Variants in CAMKMT observed in about 807,000 individuals in gnomAD.
CAMKMT encodes the protein CaM KMT.
A neutral mutation model predicts 48.0 loss-of-function variants in CAMKMT; 53 were observed. The observed-to-expected ratio is 1.10, with a 90% CI of 0.89 to 1.39. The LOEUF is 1.39. CAMKMT is among the 40% of genes most tolerant of loss of function. CAMKMT has a pLI of 0.00. For missense variants in CAMKMT, 428 were observed against 402.7 expected, an observed-to-expected ratio of 1.06 and a Z score of -0.54; for synonymous variants, 165 against 152.3, an observed-to-expected ratio of 1.08 and a Z score of -0.61.
intron 2 of CAMKMT, among the ~76,000 whole-genome samples, chr2:44,383,384 C>G (rs143964496): frequency 6.6e-6 from 1 of 152,216 alleles, no homozygotes; most frequent in Admixed American, 6.5e-5. Context: ...AAGCTGGTCT[C>G]AAACTCCTGA....
At chr2:44,367,471 A>G (rs1678722617) in intron 1 of CAMKMT, among the ~76,000 whole-genome samples, 1 of 152,234 alleles carries the variant, frequency 6.6e-6, no homozygotes. Context: ...TATAAGGTAT[A>G]TATGAAAAAC....
chr2:44,544,720 T>A (rs1376689349), intron 3 of CAMKMT, among the ~76,000 whole-genome samples: 1 of 152,210 alleles, frequency 6.6e-6, no homozygotes, highest in Non-Finnish European at 1.5e-5. Flanking sequence ...CTGTTCATTT[T>A]CTCTCATCAA....
At chr2:44,708,673 A>T (rs1457242400) in intron 6 of CAMKMT, among the ~76,000 whole-genome samples, 3 of 152,054 alleles carry the variant, frequency 2.0e-5, no homozygotes, top group Non-Finnish European at 2.9e-5. Context: ...AGATGAGCAG[A>T]TGTTTTTTCA....
intron 3 of CAMKMT, among the ~76,000 whole-genome samples, chr2:44,488,418 C>T (rs758963526): frequency 2.6e-5 from 4 of 152,142 alleles, no homozygotes; most frequent in Admixed American, 2.0e-4. Context: ...GCAGGAGAAT[C>T]GCTTGAACCC....
Position 44,657,779 on chromosome 2 carries a change from G to A in CAMKMT, c.377-46504G>A, listed in dbSNP as rs926002250. On this transcript the variant is annotated intron_variant, in intron 3 of 10. Transcript: ENST00000378494. This position sits in a 1 kb window ranked among gnomAD's most constrained non-coding sequence, Gnocchi z 4.3. ...GGTAACCGAATAACTGACAATGATGGATTCTCAAACATTTCTGCTAACCAA... is the reference window on the plus strand; with the variant it reads ...GGTAACCGAATAACTGACAATGATGAATTCTCAAACATTTCTGCTAACCAA... 6.6e-6 allele frequency among the ~76,000 whole-genome samples: 1 copy of A among 152,092 alleles called. No homozygotes were observed. The highest frequency in any genetic ancestry group is 1.5e-5 in the Non-Finnish European group (1 of 68,010).
At chr2:44,554,192 G>A (rs1667884332) in intron 3 of CAMKMT, among the ~76,000 whole-genome samples, 1 of 152,188 alleles carries the variant, frequency 6.6e-6, no homozygotes, top group African/African-American at 2.4e-5. Context: ...CTAAGATAGA[G>A]TTTATACCTT....
chr2:44,558,832 A>C (rs891042900), intron 3 of CAMKMT, among the ~76,000 whole-genome samples: 1 of 152,190 alleles, frequency 6.6e-6, no homozygotes, highest in Non-Finnish European at 1.5e-5. Flanking sequence ...ATTGGGTATT[A>C]TGTTCACTAC....
At chr2:44,534,347 C>T (rs191507273) in intron 3 of CAMKMT, among the ~76,000 whole-genome samples, 8 of 152,200 alleles carry the variant, frequency 5.3e-5, no homozygotes, top group African/African-American at 1.2e-4. Flanking sequence ...AAATCAACAA[C>T]GAGACATTGG....
chr2:44,564,331 T>G (rs1473034942), intron 3 of CAMKMT, among the ~76,000 whole-genome samples: 3 of 151,370 alleles, frequency 2.0e-5, no homozygotes, highest in Non-Finnish European at 2.9e-5. Context: ...CGCGCCACTA[T>G]GCCCGGCTAA....
intron 3 of CAMKMT, among the ~76,000 whole-genome samples, chr2:44,562,925 C>T (rs1247160580): frequency 6.6e-6 from 1 of 152,146 alleles, no homozygotes; most frequent in Admixed American, 6.5e-5. Context: ...CTTACTCTCT[C>T]AGTACTGGTG....
At chr2:44,673,441 A>AAAG (rs1553435736) in intron 3 of CAMKMT, among the ~76,000 whole-genome samples, 10 of 147,176 alleles carry the variant, frequency 6.8e-5, no homozygotes, top group African/African-American at 2.6e-4. Flanking sequence ...AAAAAAAAAA[A>AAAG]AGAGAGAGAG....
At chr2:44,523,822 G>A (rs945872676) in intron 3 of CAMKMT, among the ~76,000 whole-genome samples, 1 of 142,076 alleles carries the variant, frequency 7.0e-6, no homozygotes, top group African/African-American at 2.7e-5. Flanking sequence ...CTGTCACCCA[G>A]GCTGGAGTGC....
intron 3 of CAMKMT, among the ~76,000 whole-genome samples, chr2:44,427,845 C>G (rs1399998223): frequency 6.6e-6 from 1 of 152,060 alleles, no homozygotes; most frequent in African/African-American, 2.4e-5. Flanking sequence ...TTCCTTTGAC[C>G]CCCTCATGGG....
intron 3 of CAMKMT, among the ~76,000 whole-genome samples, chr2:44,617,743 C>T (rs891903415): frequency 6.6e-6 from 1 of 152,152 alleles, no homozygotes; most frequent in Non-Finnish European, 1.5e-5. Flanking sequence ...AAGAGTGTGG[C>T]TTTAAAGAAT....
chr2:44,500,838 C>T (rs1186322018), intron 3 of CAMKMT, among the ~76,000 whole-genome samples: 2 of 151,850 alleles, frequency 1.3e-5, no homozygotes, highest in East Asian at 3.9e-4. Context: ...CGCACCATCA[C>T]ACCCAGCTAA....
intron 3 of CAMKMT, among the ~76,000 whole-genome samples, chr2:44,523,821 A>G (rs1199502578): frequency 8.3e-6 from 1 of 121,008 alleles, no homozygotes; most frequent in East Asian, 2.5e-4. Flanking sequence ...CCTGTCACCC[A>G]GGCTGGAGTG....
chr2:44,596,495 C>G (rs940927228), intron 3 of CAMKMT, among the ~76,000 whole-genome samples: 1 of 151,896 alleles, frequency 6.6e-6, no homozygotes, highest in Non-Finnish European at 1.5e-5. Flanking sequence ...AAGACAAATT[C>G]TTACATCCAT....
At chr2:44,546,464 A>G (rs1667416565) in intron 3 of CAMKMT, among the ~76,000 whole-genome samples, 1 of 152,210 alleles carries the variant, frequency 6.6e-6, no homozygotes, top group African/African-American at 2.4e-5. Context: ...GATAAATCTC[A>G]TCCCTAAAGA....
intron 7 of CAMKMT, among the ~76,000 whole-genome samples, chr2:44,717,396 C>A (rs6730944): frequency 3.3e-5 from 5 of 151,928 alleles, no homozygotes; most frequent in Non-Finnish European, 5.9e-5. Flanking sequence ...AAGGAGTGAC[C>A]TGATCACTTA....
Sources: allele counts gnomAD v4.1 joint callset (sites outside exome capture counted in the v4.1 genomes callset), GRCh38; gene constraint gnomAD v4.1.1; non-coding constraint Gnocchi (gnomAD v3.1); transcripts MANE v1.5; gene names NCBI Gene and HGNC (gene_info 2026-07-23, HGNC 2026-07-21).